The following CCL17 variants were observed in gnomAD, a reference collection of about 807,000 sequenced individuals.
The protein encoded by CCL17 is C-C motif chemokine ligand 17.
In CCL17, 8 loss-of-function variants were observed where a neutral mutation model predicts 7.4. The observed-to-expected ratio is 1.09, with a 90% CI of 0.64 to 1.96. The LOEUF (loss-of-function observed/expected upper bound fraction) is 1.96, where lower values mean the gene tolerates loss of function less well. Among genes scored for constraint, CCL17 ranks in the 30% most tolerant of loss-of-function variants. The pLI, the probability that CCL17 is intolerant of heterozygous loss-of-function variation, is 0.00. For missense variants in CCL17, 102 were observed against 113.0 expected (o/e 0.90, Z 0.44); for synonymous variants, 40 against 46.1 (o/e 0.87, Z 0.54).
At chr16:57,405,412 G>A (rs8051475) in intron 1 of CCL17, among the ~76,000 whole-genome samples, 2,192 of 152,292 alleles carry the variant, frequency 0.014, 58 homozygotes, top group African/African-American at 0.049. Context: ...GGATGGAGGC[G>A]AGGAATGAGT....
chr16:57,415,080 G>A lies in CCL17; in HGVS notation c.71-1G>A, dbSNP rs1158260258. ...CCCCTGCCCCGCTCCTCTCCCTGCA[G>A]CTCGAGGGACCAATGTGGGCCGGGA... is the stretch of plus-strand genomic sequence containing the variant. On this transcript the variant is annotated splice_acceptor_variant, in intron 2 of 3. Coordinates refer to ENST00000219244, the MANE Select transcript of CCL17 (RefSeq NM_002987.3). LOFTEE classifies it high-confidence loss of function. The surrounding 1 kb of genome is among the most constrained non-coding windows in gnomAD (Gnocchi z 4.5). The A allele has an allele frequency of 1.2e-6, 2 of 1,609,112 alleles. No homozygotes were observed. Among genetic ancestry groups the A allele is most frequent in the Admixed American group, 1.7e-5 (1 of 60,014 alleles).
chr16:57,409,760 G>A (rs190746389), intron 1 of CCL17, among the ~76,000 whole-genome samples: 2 of 152,244 alleles, frequency 1.3e-5, no homozygotes, highest in East Asian at 1.9e-4. Context: ...TGTCAGGAAC[G>A]ACAGACACAT....
At chr16:57,407,135 G>A (rs1167552147) in intron 1 of CCL17, among the ~76,000 whole-genome samples, 1 of 152,200 alleles carries the variant, frequency 6.6e-6, no homozygotes, top group African/African-American at 2.4e-5. Flanking sequence ...TTGAAGTCAA[G>A]GGGAGGTCTT....
In CCL17 at chr16:57,414,020, G is replaced by C; in HGVS notation, c.70+18G>C. The C allele has an allele frequency of 6.2e-7, 1 of 1,606,010 alleles. No individual in the cohort carries two copies. Among genetic ancestry groups the C allele is most frequent in the Non-Finnish European group, 8.5e-7 (1 of 1,175,644 alleles). On this transcript the variant is annotated intron_variant, in intron 2 of 3. Coordinates refer to ENST00000219244, the MANE Select transcript of CCL17 (RefSeq NM_002987.3). ...CCACGCAGGTGAGAGCAGGGGACAG[G>C]TGGCCAGGGGCAGGCACCGGGAGGA...
In CCL17 at chr16:57,415,571, C is replaced by T. The variant is rs1210929057; in HGVS notation, c.189-194C>T. ...TGGGCACAAGTTCCTGCAGCCCTGGCTCCCTGGGAGGGTCGAGATTACTCG... is the reference window on the plus strand; with the variant it reads ...TGGGCACAAGTTCCTGCAGCCCTGGTTCCCTGGGAGGGTCGAGATTACTCG... On this transcript the variant is annotated intron_variant, in intron 3 of 3. Coordinates refer to ENST00000219244, the MANE Select transcript of CCL17 (RefSeq NM_002987.3). This position sits in a 1 kb window ranked among gnomAD's most constrained non-coding sequence, Gnocchi z 4.5. Among the ~76,000 whole-genome samples, 1 of 152,212 alleles carries T rather than the reference C, an allele frequency of 6.6e-6. No individual in the cohort carries two copies. Among genetic ancestry groups the T allele is most frequent in the South Asian group, 2.1e-4 (1 of 4,832 alleles).
At chr16:57,406,505 A>G (rs181754766) in intron 1 of CCL17, among the ~76,000 whole-genome samples, 217 of 152,302 alleles carry the variant, frequency 1.4e-3, no homozygotes, top group African/African-American at 4.9e-3. Flanking sequence ...AGGACAAAGT[A>G]AACTAATAGA....
intron 2 of CCL17, among the ~76,000 whole-genome samples, chr16:57,414,410 CTTTTTTT>C (rs71152269): frequency 4.6e-4 from 35 of 75,994 alleles, no homozygotes; most frequent in Middle Eastern, 0.014. Context: ...AAAAAGGATT[CTTTTTTT>C]TTTTTTTTTT....
At chr16:57,407,351 G>C (rs773016097) in intron 1 of CCL17, among the ~76,000 whole-genome samples, 7 of 152,166 alleles carry the variant, frequency 4.6e-5, no homozygotes, top group Admixed American at 6.5e-5. Context: ...TAAACTAGAT[G>C]GGGGAGGAGT....
chr16:57,408,513 G>T (rs113236799), intron 1 of CCL17, among the ~76,000 whole-genome samples: 3,098 of 152,242 alleles, frequency 0.02, 121 homozygotes, highest in African/African-American at 0.071. Context: ...CCTGATGTAG[G>T]TGATCCTCCC....
At chr16:57,402,254 C>G (rs1236578205), upstream of CCL17, among the ~76,000 whole-genome samples, 5 of 152,274 alleles carry the variant, frequency 3.3e-5, no homozygotes, top group African/African-American at 1.2e-4. Flanking sequence ...TGCGACGTGT[C>G]AAATCTCCAA....
chr16:57,399,335 A>T, the CCL17 span, among the ~76,000 whole-genome samples: 3 of 152,202 alleles, frequency 2.0e-5, no homozygotes, highest in African/African-American at 4.8e-5. Context: ...TGTCAGGGGT[A>T]GGTAACCACC....
rs756502125 is a variant in CCL17, at chr16:57,415,156, C to T, written c.146C>T (p.Thr49Met). ...KGAIPLRKLK[T>M]WYQTSEDCSR... ...GCCATTCCCCTTAGAAAGCTGAAGA[C>T]GTGGTACCAGACATCTGAGGACTGC... The change falls in exon 3 of 4, where the codon ACG becomes ATG. Residue 49 changes from threonine (T) to methionine (M), a missense_variant. By Grantham distance (81) the Thr-to-Met change is moderately conservative. Transcript: ENST00000219244. The surrounding 1 kb of genome is among the most constrained non-coding windows in gnomAD (Gnocchi z 4.5). The T allele has an allele frequency of 3.5e-5, 56 of 1,613,686 alleles. No homozygotes were observed. The South Asian group carries it at 3.8e-4, about 11-fold the overall frequency.
chr16:57,415,332 C>T lies in CCL17; in HGVS notation c.188+134C>T. ...TTCCTCCCCAACCCCTGCAGGCTCCCCACACTGTGGGACCCAAAAGGGCCG... is the reference window on the plus strand; with the variant it reads ...TTCCTCCCCAACCCCTGCAGGCTCCTCACACTGTGGGACCCAAAAGGGCCG... On this transcript the variant is annotated intron_variant, in intron 3 of 3. Transcript: ENST00000219244. The surrounding 1 kb of genome is among the most constrained non-coding windows in gnomAD (Gnocchi z 4.5). 1 of 672,938 alleles carries T rather than the reference C, an allele frequency of 1.5e-6. No homozygotes were observed. The highest frequency in any genetic ancestry group is 2.7e-6 in the Non-Finnish European group (1 of 375,520). 41.7% of individuals were successfully genotyped at this position (672,938 alleles called of 1,614,324 possible).
intron 1 of CCL17, among the ~76,000 whole-genome samples, chr16:57,411,824 C>T (rs1475419463): frequency 3.3e-5 from 5 of 152,380 alleles, no homozygotes; most frequent in East Asian, 1.9e-4. Flanking sequence ...CTGCCCAGCG[C>T]GGCCTCCTTT....
chr16:57,404,511 G>C (rs190223688), upstream of CCL17, among the ~76,000 whole-genome samples: 696 of 152,104 alleles, frequency 4.6e-3, 5 homozygotes, highest in South Asian at 0.017. Context: ...CAGGTGTAGG[G>C]GTGGGTGGGA....
the CCL17 span, among the ~76,000 whole-genome samples, chr16:57,396,344 A>G: frequency 6.6e-6 from 1 of 152,234 alleles, no homozygotes; most frequent in Non-Finnish European, 1.5e-5. Context: ...CTGGGTACAC[A>G]GAACTGGTTG....
intron 2 of CCL17, among the ~76,000 whole-genome samples, chr16:57,414,410 C>CCTTTT (rs1902834032): frequency 1.3e-5 from 1 of 75,966 alleles, no homozygotes; most frequent in African/African-American, 5.6e-5. Flanking sequence ...AAAAAGGATT[C>CCTTTT]TTTTTTTTTT....
At chr16:57,412,987 C>T (rs765912630) in intron 1 of CCL17, among the ~76,000 whole-genome samples, 5 of 152,202 alleles carry the variant, frequency 3.3e-5, no homozygotes, top group Non-Finnish European at 7.4e-5. Context: ...TACGTTCTGT[C>T]ATCTGCCATG....
intron 2 of CCL17, 152 bp from the exon 3 acceptor site, chr16:57,414,929 C>T (rs1902844579): frequency 1.5e-6 from 1 of 682,312 alleles, no homozygotes; most frequent in East Asian, 2.6e-5. Flanking sequence ...GACACACACA[C>T]ATACACATAG....
Sources: gnomAD v4.1 joint callset for allele counts (sites outside exome capture counted in the v4.1 genomes callset) on GRCh38, gnomAD v4.1.1 for gene constraint, Gnocchi (gnomAD v3.1) non-coding constraint, MANE v1.5 for transcripts, NCBI Gene and HGNC (gene_info 2026-07-23, HGNC 2026-07-21) for gene names.